SLC25A26: variants seen among roughly 807,000 people sequenced by gnomAD.
SLC25A26 encodes the protein solute carrier family 25 member 26.
In SLC25A26, 36 loss-of-function variants were observed where a neutral mutation model predicts 37.8. The observed-to-expected ratio is 0.95, with a 90% CI of 0.73 to 1.26. The LOEUF (loss-of-function observed/expected upper bound fraction) is 1.26. Ranked by LOEUF, SLC25A26 falls within the 50% of genes most tolerant of loss-of-function variation. The pLI, the probability that SLC25A26 is intolerant of heterozygous loss-of-function variation, is 0.00. For synonymous variants in SLC25A26, 129 were observed against 122.5 expected (o/e 1.05, Z -0.35); for missense variants, 390 against 331.1 (o/e 1.18, Z -1.38).
intron 1 of SLC25A26, among the ~76,000 whole-genome samples, chr3:66,166,959 C>T (rs2070433160): frequency 6.6e-6 from 1 of 152,138 alleles, no homozygotes; most frequent in Admixed American, 6.6e-5. Flanking sequence ...GAATAAGTCT[C>T]ACGAGATCTG....
At chr3:66,244,420 C>G (rs1325322526) in intron 3 of SLC25A26, among the ~76,000 whole-genome samples, 1 of 152,172 alleles carries the variant, frequency 6.6e-6, no homozygotes, top group African/African-American at 2.4e-5. Context: ...TAGGCATAAA[C>G]TTACTAAGGC....
chr3:66,293,028 C>A (rs769736396), intron 5 of SLC25A26: 15 of 151,794 alleles, frequency 9.9e-5, no homozygotes, highest in Non-Finnish European at 4.4e-5. Context: ...CATTTTATTT[C>A]ATTAAGTTGA....
At chr3:66,147,496 C>T (rs1023577380) in intron 1 of SLC25A26, among the ~76,000 whole-genome samples, 1 of 151,886 alleles carries the variant, frequency 6.6e-6, no homozygotes, top group African/African-American at 2.4e-5. Context: ...GGTTGATGGA[C>T]ACTCAGGTTG....
At chr3:66,284,577 A>G (rs987067183) in intron 5 of SLC25A26, among the ~76,000 whole-genome samples, 4 of 152,028 alleles carry the variant, frequency 2.6e-5, no homozygotes, top group Non-Finnish European at 4.4e-5. Flanking sequence ...AATGTTTCTC[A>G]ATATGAGAAA....
At chr3:66,198,911 C>T (rs1156741038) in intron 1 of SLC25A26, among the ~76,000 whole-genome samples, 1 of 151,716 alleles carries the variant, frequency 6.6e-6, no homozygotes, top group Non-Finnish European at 1.5e-5. Flanking sequence ...TGATCTGTAT[C>T]TTGACCCTCA....
At chr3:66,307,440 C>T (rs980913150) in intron 5 of SLC25A26, among the ~76,000 whole-genome samples, 1 of 151,702 alleles carries the variant, frequency 6.6e-6, no homozygotes, top group African/African-American at 2.4e-5. Context: ...AAATTTTCTC[C>T]CATTCTGTAG....
At chr3:66,324,697 G>A (rs895779883) in intron 5 of SLC25A26, among the ~76,000 whole-genome samples, 3 of 152,146 alleles carry the variant, frequency 2.0e-5, no homozygotes, top group African/African-American at 7.2e-5. Flanking sequence ...GGGCAGCTTG[G>A]GAGGCTAGAA....
At chr3:66,197,950 G>A (rs1466464383) in intron 1 of SLC25A26, among the ~76,000 whole-genome samples, 2 of 152,136 alleles carry the variant, frequency 1.3e-5, no homozygotes, top group Non-Finnish European at 2.9e-5. Context: ...GTCATAGACA[G>A]GATCAGGGTC....
chr3:66,186,665 G>A (rs1034339934), intron 1 of SLC25A26, among the ~76,000 whole-genome samples: 2 of 151,846 alleles, frequency 1.3e-5, no homozygotes, highest in Non-Finnish European at 2.9e-5. Flanking sequence ...AACCTGAGCT[G>A]ACTGAACTTG....
At position 66,378,677 on chromosome 3, in the gene SLC25A26, C is replaced by T. The variant is rs1258076374; in HGVS notation, c.*870C>T. 6.6e-6 allele frequency: 1 copy of T among 152,474 alleles called. No individual in the cohort carries two copies. The highest frequency in any genetic ancestry group is 1.5e-5 in the Non-Finnish European group (1 of 68,024). 9.4% of individuals were successfully genotyped at this position (152,474 alleles called of 1,614,324 possible). A position where few individuals can be genotyped will look rare whatever the true frequency, so the allele number is the denominator to read the frequency against. On this transcript the variant is annotated 3_prime_UTR_variant, in exon 10 of 10. Transcript: ENST00000354883. ...AATGTCAGGAATCTAGCAGTGTTGT[C>T]TGCCCTGGAGCAAACAAACAGTATG... is the stretch of plus-strand genomic sequence containing the variant.
At chr3:66,335,470 T>C (rs1309588072) in intron 5 of SLC25A26, among the ~76,000 whole-genome samples, 1 of 152,210 alleles carries the variant, frequency 6.6e-6, no homozygotes, top group East Asian at 1.9e-4. Context: ...AGTATTCTGC[T>C]CTCAACACAC....
intron 5 of SLC25A26, among the ~76,000 whole-genome samples, chr3:66,297,715 C>T (rs1022419006): frequency 6.6e-6 from 1 of 152,150 alleles, no homozygotes; most frequent in Non-Finnish European, 1.5e-5. Context: ...TATTGTCTGT[C>T]TGCTTTCACA....
At chr3:66,168,427 A>G (rs1057085593) in intron 1 of SLC25A26, among the ~76,000 whole-genome samples, 1 of 152,068 alleles carries the variant, frequency 6.6e-6, no homozygotes, top group Non-Finnish European at 1.5e-5. Flanking sequence ...GAGGCAGGAT[A>G]AAAACTTTTG....
At chr3:66,311,324 T>C (rs2075370805) in intron 5 of SLC25A26, among the ~76,000 whole-genome samples, 1 of 152,144 alleles carries the variant, frequency 6.6e-6, no homozygotes, top group Non-Finnish European at 1.5e-5. Flanking sequence ...TCTCGTGCTG[T>C]GTTTTCCAGC....
chr3:66,283,432 C>T (rs1324880257), intron 5 of SLC25A26, among the ~76,000 whole-genome samples: 1 of 152,116 alleles, frequency 6.6e-6, no homozygotes, highest in Admixed American at 6.5e-5. Flanking sequence ...AGACATGTAC[C>T]ACCATACCTG....
At chr3:66,183,335 C>T (rs559332389) in intron 1 of SLC25A26, among the ~76,000 whole-genome samples, 13 of 152,194 alleles carry the variant, frequency 8.5e-5, no homozygotes, top group African/African-American at 2.9e-4. Flanking sequence ...AGACTCTGAC[C>T]CTGACATGGA....
intron 1 of SLC25A26, among the ~76,000 whole-genome samples, chr3:66,157,167 G>A (rs571324123): frequency 6.8e-4 from 103 of 152,274 alleles, no homozygotes; most frequent in Admixed American, 5.7e-3. Flanking sequence ...CTGGGAGGTC[G>A]AGGCTTCAGT....
intron 1 of SLC25A26, among the ~76,000 whole-genome samples, chr3:66,228,070 C>T (rs373239655): frequency 1.3e-5 from 2 of 152,236 alleles, no homozygotes; most frequent in African/African-American, 2.4e-5. Flanking sequence ...TTGGCATTTA[C>T]GTCAGAGTGA....
At chr3:66,357,213 A>G (rs1158398598) in intron 6 of SLC25A26, among the ~76,000 whole-genome samples, 1 of 152,110 alleles carries the variant, frequency 6.6e-6, no homozygotes, top group Admixed American at 6.6e-5. Context: ...CAGGAGTTTG[A>G]GACTACCCTG....
Sources: allele counts gnomAD v4.1 joint callset (sites outside exome capture counted in the v4.1 genomes callset), GRCh38; gene constraint gnomAD v4.1.1; transcripts MANE v1.5; gene names NCBI Gene and HGNC (gene_info 2026-07-23, HGNC 2026-07-21).